PFAS: variants seen among roughly 807,000 people sequenced by gnomAD.
PFAS encodes the protein FGAM synthase.
A neutral mutation model predicts 140.6 loss-of-function variants in PFAS; 97 were observed. The observed-to-expected ratio is 0.69, with a 90% CI of 0.59 to 0.82. PFAS has a LOEUF of 0.82. Ranked by LOEUF, PFAS falls within the 40% of genes least tolerant of loss-of-function variation. PFAS has a pLI of 0.00. For missense variants in PFAS, 1,656 were observed against 1,780.2 expected (o/e 0.93, Z 1.26); for synonymous variants, 679 against 718.8 (o/e 0.94, Z 0.88).
chr17:8,267,053 TG>T lies in PFAS; in HGVS notation c.2995del (p.Val999PhefsTer37). The T allele has an allele frequency of 6.2e-7, 1 of 1,613,986 alleles. No individual in the cohort carries two copies. The highest frequency in any genetic ancestry group is 8.5e-7 in the Non-Finnish European group (1 of 1,180,012). On this transcript the variant is annotated frameshift_variant, in exon 24 of 28. Coordinates refer to ENST00000314666, the MANE Select transcript of PFAS (RefSeq NM_012393.3). LOFTEE classifies it high-confidence loss of function. The surrounding 1 kb of genome is among the most constrained non-coding windows in gnomAD (Gnocchi z 4.9). ...GTCCGGGTGTCAGTGAACGGGGCTG[TG>T]GTTCTGGAGGAGCCTGTTGGGGAGC... is the stretch of plus-strand genomic sequence containing the variant. ...AMVRVSVNGA[V>X]VLEEPVGELR...
At position 8,266,548 on chromosome 17, in the gene PFAS, C is replaced by G. The variant is rs1303216763; in HGVS notation, c.2821+195C>G. ...ACACCCACCATGTTCCTGACTGCACCCCTCTGAGACTTCCCATCCCTGAGA... is the reference window on the plus strand; with the variant it reads ...ACACCCACCATGTTCCTGACTGCACGCCTCTGAGACTTCCCATCCCTGAGA... On this transcript the variant is annotated intron_variant, in intron 22 of 27. Coordinates refer to ENST00000314666, the MANE Select transcript of PFAS (RefSeq NM_012393.3). The surrounding 1 kb of genome is among the most constrained non-coding windows in gnomAD (Gnocchi z 5.0). The G allele has an allele frequency of 6.9e-7, 1 of 1,449,170 alleles. No individual in the cohort carries two copies. The highest frequency in any genetic ancestry group is 9.0e-7 in the Non-Finnish European group (1 of 1,105,582). 89.8% of individuals were successfully genotyped at this position (1,449,170 alleles called of 1,614,324 possible).
rs749613067 is a variant in PFAS at position 8,255,525 on chromosome 17, G to A, written c.408G>A (p.Glu136=). ...AGTTTGCCCACCCCCCGTCAGCTGA[G>A]GTGGAAGCCATTGCTCTGGCTACCC... ...RLSFAHPPSA[E]VEAIALATLH... Residue 136 remains glutamate (E), a synonymous_variant, in exon 5 of 28, where the codon GAG becomes GAA. Coordinates refer to ENST00000314666, the MANE Select transcript of PFAS (RefSeq NM_012393.3). 70 of 1,522,498 alleles carry A rather than the reference G, an allele frequency of 4.6e-5. No individual in the cohort carries two copies. Among genetic ancestry groups the A allele is most frequent in the Non-Finnish European group, 6.0e-5 (68 of 1,137,982 alleles). The allele number at this position is 1,522,498 out of a possible 1,614,324, so 94.3% of individuals were successfully genotyped here. A position where few individuals can be genotyped will look rare whatever the true frequency, so the allele number is the denominator to read the frequency against.
Position 8,256,952 on chromosome 17 carries a change from T to C in PFAS, c.1064T>C (p.Leu355Pro). 6.2e-7 allele frequency: 1 copy of C among 1,614,202 alleles called. No individual in the cohort carries two copies. Among genetic ancestry groups the C allele is most frequent in the Non-Finnish European group, 8.5e-7 (1 of 1,180,024 alleles). ...AGTAGYCFGN[L>P]HIPGYNLPWE... ...ACTGCCGGCTATTGCTTTGGAAATC[T>C]GCATATTCCAGGTTCCATCTCCTTC... Residue 355 changes from leucine (L) to proline (P), a missense_variant, in exon 9 of 28, where the codon CTG (leucine) becomes CCG (proline). Coordinates refer to ENST00000314666, the MANE Select transcript of PFAS (RefSeq NM_012393.3).
rs746466399 is a variant in PFAS at position 8,255,632 on chromosome 17, G to A, written c.515G>A (p.Gly172Asp). The A allele has an allele frequency of 1.3e-6, 2 of 1,582,358 alleles. No homozygotes were observed. Among genetic ancestry groups the A allele is most frequent in the Non-Finnish European group, 1.7e-6 (2 of 1,167,024 alleles). ...SPESMPEPLN[G>D]PINILGEGRL... ...GAGAGCATGCCGGAACCCCTCAATG[G>A]CCCTATCAATATACTGGGTGAGGGC... is the stretch of plus-strand genomic sequence containing the variant. The change falls in exon 5 of 28, where the codon GGC becomes GAC. Residue 172 changes from glycine to aspartate, a missense_variant. This residue lies in a region of PFAS where 773 missense variants were observed against 757.3 expected (regional missense o/e 1.02). Coordinates refer to ENST00000314666, the MANE Select transcript of PFAS (RefSeq NM_012393.3).
intron 1 of PFAS, 112 bp from the exon 2 acceptor site, chr17:8,253,747 C>T (rs1262843489): frequency 1.1e-5 from 7 of 639,122 alleles, no homozygotes; most frequent in African/African-American, 1.8e-5. Flanking sequence ...CTATGTTGGC[C>T]GGGCTGATCT....
chr17:8,258,917 T>C (rs1484465581), intron 11 of PFAS, among the ~76,000 whole-genome samples: 1 of 145,214 alleles, frequency 6.9e-6, no homozygotes, highest in South Asian at 2.2e-4. Context: ...ACCCAGGAGG[T>C]GGAGCTTGCA....
chr17:8,258,232 C>T (rs1476246354), intron 11 of PFAS, 33 bp downstream of exon 11: 2 of 1,611,828 alleles, frequency 1.2e-6, no homozygotes, highest in Non-Finnish European at 1.7e-6. Flanking sequence ...TGGATCCAGC[C>T]AGCTTTCTCC....
Position 8,265,772 on chromosome 17 carries a change from C to T in PFAS, c.2546-90C>T. The T allele has an allele frequency of 2.2e-6, 3 of 1,364,980 alleles. No homozygotes were observed. The South Asian group carries it at 3.6e-5, about 16-fold the overall frequency. 84.6% of individuals were successfully genotyped at this position (1,364,980 alleles called of 1,614,324 possible). A position where few individuals can be genotyped will look rare whatever the true frequency, so the allele number is the denominator to read the frequency against. ...TGGGACTGATTGTCTAGGTGTCTCA[C>T]CACATGCTGGGAATAGCAGTGCTGT... On this transcript the variant is annotated intron_variant, in intron 20 of 27. Coordinates refer to ENST00000314666, the MANE Select transcript of PFAS (RefSeq NM_012393.3).
chr17:8,257,005 C>T (rs148666996), intron 9 of PFAS, 42 bp downstream of exon 9: 28 of 1,608,924 alleles, frequency 1.7e-5, no homozygotes, highest in Non-Finnish European at 2.3e-5. Context: ...CTTCCAGATT[C>T]CTTGTCCTGG....
rs1381997099 is a variant in PFAS, at chr17:8,255,891, G to A, written c.661G>A (p.Asp221Asn). Reference protein sequence around the residue: ...QRNPSTVEAFDLAQSNSEHSR... With the variant: ...QRNPSTVEAFNLAQSNSEHSR... ...GAACCCGAGCACTGTGGAGGCCTTT[G>A]ACTTGGCGCAGTCCAATAGGTGAGG... Residue 221 changes from aspartate (D) to asparagine (N), a missense_variant, in exon 6 of 28, where the codon GAC (aspartate) becomes AAC (asparagine). Asp to Asn is a conservative substitution (Grantham distance 23). Around this residue, in one of 2 missense-constraint regions of PFAS, gnomAD observed 773 missense variants for 757.3 expected, o/e 1.02. Transcript: ENST00000314666. 6.2e-7 allele frequency: 1 copy of A among 1,613,622 alleles called. No homozygotes were observed. The highest frequency in any genetic ancestry group is 2.2e-5 in the East Asian group (1 of 44,878).
chr17:8,266,688 C>A lies in PFAS; in HGVS notation c.2822-65C>A. On this transcript the variant is annotated intron_variant, in intron 22 of 27. Coordinates refer to ENST00000314666, the MANE Select transcript of PFAS (RefSeq NM_012393.3). The surrounding 1 kb of genome is among the most constrained non-coding windows in gnomAD (Gnocchi z 5.0). The stretch of plus-strand genomic sequence containing the variant: ...TCACCCTGGCCCTTCCTGCATTTCC[C>A]TGATCCCGCCCCAACTCCCTTGGCC... 6.5e-7 allele frequency: 1 copy of A among 1,541,930 alleles called. No individual in the cohort carries two copies. Among genetic ancestry groups the A allele is most frequent in the South Asian group, 1.3e-5 (1 of 78,974 alleles).
At position 8,265,120 on chromosome 17, in the gene PFAS, C is replaced by T. The variant is rs1567644046; in HGVS notation, c.2275C>T (p.Leu759Phe). ...CCTGGTGTTTGCTCTGGTCACTGAC[C>T]TCCGGGTGAGTTCTCCCACAGCTTC... ...TNLVFALVTD[L>F]RDVKCSGNWM... The change falls in exon 18 of 28, where the codon CTC becomes TTC. Residue 759 changes from leucine (L) to phenylalanine (F), a missense_variant. Physicochemically the swap from Leu to Phe is conservative, Grantham distance 22 (BLOSUM62 0). Transcript: ENST00000314666. 6.2e-7 allele frequency: 1 copy of T among 1,610,972 alleles called. No homozygotes were observed. The highest frequency in any genetic ancestry group is 8.5e-7 in the Non-Finnish European group (1 of 1,178,576).
upstream of PFAS, chr17:8,248,019 G>C (rs377706974): frequency 1.1e-5 from 18 of 1,606,952 alleles, no homozygotes; most frequent in African/African-American, 8.0e-5. Context: ...AAGGGACCTG[G>C]GCCCGGCCAG....
At chr17:8,252,795 T>G (rs936032901) in intron 1 of PFAS, among the ~76,000 whole-genome samples, 3 of 152,114 alleles carry the variant, frequency 2.0e-5, no homozygotes, top group Non-Finnish European at 4.4e-5. Context: ...TTTTTGTATC[T>G]TTTTTGAGAG....
At position 8,266,680 on chromosome 17, in the gene PFAS, G is replaced by A. The variant is rs543609979; in HGVS notation, c.2822-73G>A. ...TCTGACCCTCACCCTGGCCCTTCCT[G>A]CATTTCCCTGATCCCGCCCCAACTC... On this transcript the variant is annotated intron_variant, in intron 22 of 27. Transcript: ENST00000314666. This position sits in a 1 kb window ranked among gnomAD's most constrained non-coding sequence, Gnocchi z 5.0. 2.0e-5 allele frequency: 30 copies of A among 1,536,288 alleles called. No homozygotes were observed. The South Asian group carries it at 3.7e-4, about 19-fold the overall frequency.
At position 8,264,568 on chromosome 17, in the gene PFAS, CG is replaced by C; in HGVS notation, c.2017del (p.Ala673ProfsTer36). 6.2e-7 allele frequency: 1 copy of C among 1,613,358 alleles called. No individual in the cohort carries two copies. On this transcript the variant is annotated frameshift_variant, in exon 17 of 28. Coordinates refer to ENST00000314666, the MANE Select transcript of PFAS (RefSeq NM_012393.3). LOFTEE classifies it high-confidence loss of function. ...QALERVLRLPAVASKRYLTNK... is the reference protein window; with the variant it reads ...QALERVLRLPXVASKRYLTNK... Reference sequence around the variant, plus strand: ...CTCTGGAGAGGGTTCTGAGGCTGCCCGCCGTGGCCAGCAAGCGCTACCTCAC... The same window carrying C: ...CTCTGGAGAGGGTTCTGAGGCTGCCCCCGTGGCCAGCAAGCGCTACCTCAC...
intron 1 of PFAS, among the ~76,000 whole-genome samples, chr17:8,252,084 A>G (rs987803738): frequency 1.1e-4 from 16 of 151,982 alleles, no homozygotes; most frequent in Middle Eastern, 3.4e-3. Flanking sequence ...ACTTGAGGTC[A>G]GGAGTTGGAG....
Position 8,264,486 on chromosome 17 carries a change from G to T in PFAS, c.1934G>T (p.Arg645Met). Reference sequence around the variant, plus strand: ...GTGTTGCAGGAGTTCTTCCTGCAGAGGAAGCCCCCCATGCTGCAGCCTCTG... The same window carrying T: ...GTGTTGCAGGAGTTCTTCCTGCAGATGAAGCCCCCCATGCTGCAGCCTCTG... The part of the protein sequence containing the change: ...KMPRKEFFLQ[R>M]KPPMLQPLAL... Residue 645 changes from arginine to methionine, a missense_variant, in exon 17 of 28, where the codon AGG becomes ATG. This residue lies in a region of PFAS where 883 missense variants were observed against 1,023.0 expected (regional missense o/e 0.86). Coordinates refer to ENST00000314666, the MANE Select transcript of PFAS (RefSeq NM_012393.3). The T allele has an allele frequency of 6.2e-7, 1 of 1,613,726 alleles. No individual in the cohort carries two copies. Among genetic ancestry groups the T allele is most frequent in the Non-Finnish European group, 8.5e-7 (1 of 1,179,900 alleles).
chr17:8,255,606 T>C lies in PFAS; in HGVS notation c.489T>C (p.Pro163=), dbSNP rs1989328791. ...HFPHPIQSFS[P]ESMPEPLNGP... is the part of the protein sequence containing the mutation. ...CCCATCCCATCCAGAGTTTCTCCCCTGAGAGCATGCCGGAACCCCTCAATG... is the reference window on the plus strand; with the variant it reads ...CCCATCCCATCCAGAGTTTCTCCCCCGAGAGCATGCCGGAACCCCTCAATG... Residue 163 remains proline (P), a synonymous_variant, in exon 5 of 28, where the codon CCT becomes CCC. Coordinates refer to ENST00000314666, the MANE Select transcript of PFAS (RefSeq NM_012393.3). 1.3e-6 allele frequency: 2 copies of C among 1,583,010 alleles called. No homozygotes were observed. Among genetic ancestry groups the C allele is most frequent in the Non-Finnish European group, 1.7e-6 (2 of 1,167,042 alleles).
Sources: gnomAD v4.1 joint callset for allele counts (sites outside exome capture counted in the v4.1 genomes callset) on GRCh38, gnomAD v4.1.1 for gene constraint, gnomAD v4.1.1 regional missense constraint, Gnocchi (gnomAD v3.1) non-coding constraint, MANE v1.5 for transcripts, NCBI Gene and HGNC (gene_info 2026-07-23, HGNC 2026-07-21) for gene names.